The following RPA1 variants were observed in gnomAD, a reference collection of about 807,000 sequenced individuals.
RPA1 encodes the protein replication protein A 70 kDa DNA-binding subunit.
In RPA1, 49 loss-of-function variants were observed where a neutral mutation model predicts 83.0. That is an observed-to-expected ratio of 0.59 (90% CI 0.47 to 0.75). The LOEUF (loss-of-function observed/expected upper bound fraction) is 0.75. RPA1 is among the 30% of genes least tolerant of loss of function. RPA1 has a pLI of 0.00. For missense variants in RPA1, 693 were observed against 776.1 expected, an observed-to-expected ratio of 0.89 and a Z score of 1.27; for synonymous variants, 279 against 281.8, an observed-to-expected ratio of 0.99 and a Z score of 0.10.
rs17339088 is a variant in RPA1 at position 1,889,069 on chromosome 17, C to T, written c.1551+218C>T. Among the ~76,000 whole-genome samples the T allele has an allele frequency of 9.4e-3, 1,328 of 141,632 alleles. 21 individuals are homozygous for T. The highest frequency in any genetic ancestry group is 0.035 in the African/African-American group (1,256 of 36,294). 92.9% of individuals were successfully genotyped at this position (141,632 alleles called of 152,430 possible). On this transcript the variant is annotated intron_variant, in intron 14 of 16. Transcript: ENST00000254719. ...TTTCATGCACGTCATACAGCCATAGCGTCAGTGACACTTGCCTGCTAACTG... is the reference window on the plus strand; with the variant it reads ...TTTCATGCACGTCATACAGCCATAGTGTCAGTGACACTTGCCTGCTAACTG...
chr17:1,882,707 G>A (rs1005536062), intron 12 of RPA1, among the ~76,000 whole-genome samples: 1 of 152,162 alleles, frequency 6.6e-6, no homozygotes, highest in African/African-American at 2.4e-5. Flanking sequence ...AGGCATAGGA[G>A]GCCTTTTATG....
intron 12 of RPA1, among the ~76,000 whole-genome samples, chr17:1,881,561 A>C (rs906097779): frequency 6.6e-6 from 1 of 152,236 alleles, no homozygotes; most frequent in Non-Finnish European, 1.5e-5. Flanking sequence ...GGGCCCGTTC[A>C]TAGTCTGACC....
rs1555593588 is a variant in RPA1, at chr17:1,877,319, G to A, written c.690+5G>A. The stretch of plus-strand genomic sequence containing the variant: ...CTAGAACTGGTTGACGAAAGTGTGA[G>A]TGTTTGTCATGCTGGGGAGTGAGGG... On this transcript the variant is annotated splice_donor_5th_base_variant and intron_variant, in intron 8 of 16. Coordinates refer to ENST00000254719, the MANE Select transcript of RPA1 (RefSeq NM_002945.5). 1.2e-6 allele frequency: 2 copies of A among 1,613,486 alleles called. No homozygotes were observed. The highest frequency in any genetic ancestry group is 2.2e-5 in the South Asian group (2 of 91,032).
At chr17:1,847,531 C>T (rs1445434169) in intron 4 of RPA1, among the ~76,000 whole-genome samples, 2 of 152,168 alleles carry the variant, frequency 1.3e-5, no homozygotes, top group Non-Finnish European at 2.9e-5. Flanking sequence ...CCTGTGTGTG[C>T]GGCTGGGTTT....
intron 15 of RPA1, among the ~76,000 whole-genome samples, chr17:1,894,285 G>A (rs1431207758): frequency 6.6e-6 from 1 of 151,682 alleles, no homozygotes; most frequent in African/African-American, 2.4e-5. Flanking sequence ...TTCTGCCTCA[G>A]CCTCCCTAGT....
Position 1,842,834 on chromosome 17 carries a change from A to G in RPA1, c.65A>G (p.Lys22Arg). ...AIMQKGDTNI[K>R]PILQVINIRP... ...ATGCAGAAGGGGGATACAAACATAAAGCCCATCCTCCAAGTCATCGTAAGT... is the reference window on the plus strand; with the variant it reads ...ATGCAGAAGGGGGATACAAACATAAGGCCCATCCTCCAAGTCATCGTAAGT... The change falls in exon 2 of 17, where the codon AAG becomes AGG. Residue 22 changes from lysine to arginine, a missense_variant. Transcript: ENST00000254719. 6.2e-7 allele frequency: 1 copy of G among 1,614,180 alleles called. No individual in the cohort carries two copies.
intron 8 of RPA1, 53 bp from the exon 9 acceptor site, chr17:1,878,940 G>C: frequency 6.4e-7 from 1 of 1,572,682 alleles, no homozygotes; most frequent in Non-Finnish European, 8.8e-7. Flanking sequence ...CTTGGGTGCT[G>C]GGGTGGCCTG....
chr17:1,859,844 C>G (rs1406613634), intron 5 of RPA1, among the ~76,000 whole-genome samples: 1 of 152,092 alleles, frequency 6.6e-6, no homozygotes, highest in East Asian at 1.9e-4. Flanking sequence ...GACGAAGTCT[C>G]ACTCTGTTGC....
In RPA1 at chr17:1,843,478, T is replaced by TA. The variant is rs955206212; in HGVS notation, c.85-441dup. Among the ~76,000 whole-genome samples the TA allele has an allele frequency of 2.0e-5, 3 of 151,930 alleles. No individual in the cohort carries two copies. In the Admixed American group the frequency reaches 2.0e-4, roughly 10 times the overall value. ...GCCGCCTGATCACGGACACATCACTTACGTCTCTCTGCCTCCATCTCCACC... is the reference window on the plus strand; with the variant it reads ...GCCGCCTGATCACGGACACATCACTTAACGTCTCTCTGCCTCCATCTCCACC... On this transcript the variant is annotated intron_variant, in intron 2 of 16. Transcript: ENST00000254719.
chr17:1,874,460 C>T (rs1407567343), intron 6 of RPA1, among the ~76,000 whole-genome samples: 1 of 152,130 alleles, frequency 6.6e-6, no homozygotes, highest in Non-Finnish European at 1.5e-5. Flanking sequence ...GAGCTAAGAT[C>T]GTGCCACCTG....
chr17:1,843,863 C>A (rs376663520), intron 2 of RPA1, 57 bp from the exon 3 acceptor site: 5 of 1,451,400 alleles, frequency 3.4e-6, no homozygotes, highest in Non-Finnish European at 4.8e-6. Context: ...CTTCGGTTTA[C>A]GTATCCCTGG....
In RPA1 at chr17:1,880,582, A is replaced by G. The variant is rs1913752218; in HGVS notation, c.1132A>G (p.Ile378Val). The change falls in exon 12 of 17, where the codon ATC (isoleucine) becomes GTC (valine). Residue 378 changes from isoleucine (I) to valine (V), a missense_variant. By Grantham distance (29) the Ile-to-Val change is conservative (BLOSUM62 3). Transcript: ENST00000254719. ...TGGTTCTAGACAGCCCGTGTTGGCTATCAAAGGAGCCCGAGTCTCTGATTT... is the reference window on the plus strand; with the variant it reads ...TGGTTCTAGACAGCCCGTGTTGGCTGTCAAAGGAGCCCGAGTCTCTGATTT... Reference protein sequence around the residue: ...FDGSRQPVLAIKGARVSDFGG... With the variant: ...FDGSRQPVLAVKGARVSDFGG... 21 of 1,614,026 alleles carry G rather than the reference A, an allele frequency of 1.3e-5. No homozygotes were observed. The highest frequency in any genetic ancestry group is 1.8e-5 in the Non-Finnish European group (21 of 1,179,996).
chr17:1,870,822 G>A (rs540811349), intron 5 of RPA1, among the ~76,000 whole-genome samples: 1 of 152,152 alleles, frequency 6.6e-6, no homozygotes, highest in Non-Finnish European at 1.5e-5. Flanking sequence ...CTAGTTTAGT[G>A]GTTTTGGAGA....
chr17:1,841,077 A>G (rs527695336), intron 1 of RPA1, among the ~76,000 whole-genome samples: 1 of 152,326 alleles, frequency 6.6e-6, no homozygotes, highest in South Asian at 2.1e-4. Context: ...AAAATAAAAT[A>G]AAATAAAGAA....
Position 1,898,270 on chromosome 17 carries a change from T to TG in RPA1, c.*1095_*1096insG. 1 of 152,310 alleles carries TG rather than the reference T, an allele frequency of 6.6e-6. No individual in the cohort carries two copies. The highest frequency in any genetic ancestry group is 2.1e-4 in the South Asian group (1 of 4,826). The allele number at this position is 152,310 out of a possible 1,614,324, so 9.4% of individuals were successfully genotyped here. Reference sequence around the variant, plus strand: ...TGAAAACACTAAAAACAAAAAGCCATTTTGCCTGAGGATGCTGATGATCTG... The same window carrying TG: ...TGAAAACACTAAAAACAAAAAGCCATGTTTGCCTGAGGATGCTGATGATCTG... On this transcript the variant is annotated 3_prime_UTR_variant, in exon 17 of 17. Coordinates refer to ENST00000254719, the MANE Select transcript of RPA1 (RefSeq NM_002945.5).
chr17:1,858,688 C>T (rs1457639595), intron 5 of RPA1, among the ~76,000 whole-genome samples: 1 of 151,630 alleles, frequency 6.6e-6, no homozygotes, highest in African/African-American at 2.4e-5. Context: ...TGGTCTTGAA[C>T]TCCTGCCCTC....
At chr17:1,896,978 C>T in intron 16 of RPA1, 93 bp from the exon 17 acceptor site, 1 of 1,017,084 alleles carries the variant, frequency 9.8e-7, no homozygotes, top group South Asian at 1.4e-5. Flanking sequence ...CTGTTCCCTC[C>T]CGCTGGGCTC....
chr17:1,866,005 C>A (rs943291889), intron 5 of RPA1, among the ~76,000 whole-genome samples: 2 of 152,052 alleles, frequency 1.3e-5, no homozygotes, highest in Admixed American at 6.6e-5. Flanking sequence ...CTTTGGGAGG[C>A]CAAGCTTGGC....
chr17:1,874,036 C>T (rs7503241), intron 6 of RPA1, among the ~76,000 whole-genome samples: 251 of 116,070 alleles, frequency 2.2e-3, no homozygotes, highest in African/African-American at 6.8e-3. Context: ...TATATATACA[C>T]ACACACACAC....
Sources: allele counts gnomAD v4.1 joint callset (sites outside exome capture counted in the v4.1 genomes callset), GRCh38; gene constraint gnomAD v4.1.1; transcripts MANE v1.5; gene names NCBI Gene and HGNC (gene_info 2026-07-23, HGNC 2026-07-21).